SGCZ: variants seen among roughly 807,000 people sequenced by gnomAD.
SGCZ encodes the protein sarcoglycan zeta, also known as zeta-sarcoglycan.
In SGCZ, 40 loss-of-function variants were observed where a neutral mutation model predicts 41.3. The observed-to-expected ratio is 0.97, with a 90% CI of 0.75 to 1.26. The LOEUF (loss-of-function observed/expected upper bound fraction) is 1.26, where lower values mean the gene tolerates loss of function less well. Among genes scored for constraint, SGCZ ranks in the 50% most tolerant of loss-of-function variants. SGCZ has a pLI of 0.00. For missense variants in SGCZ, 552 were observed against 369.8 expected, an observed-to-expected ratio of 1.49 and a Z score of -4.04; for synonymous variants, 206 against 137.5, an observed-to-expected ratio of 1.50 and a Z score of -3.49.
intron 2 of SGCZ, among the ~76,000 whole-genome samples, chr8:14,479,481 C>T (rs964819855): frequency 2.0e-5 from 3 of 152,086 alleles, no homozygotes; most frequent in Non-Finnish European, 4.4e-5. Context: ...TTTGGCCATA[C>T]CCTCACAGAC....
intron 1 of SGCZ, among the ~76,000 whole-genome samples, chr8:14,975,881 C>T (rs1054562408): frequency 8.3e-4 from 123 of 147,564 alleles, no homozygotes; most frequent in African/African-American, 2.9e-3. Context: ...TTTACACACA[C>T]ACACACACAC....
chr8:14,746,968 T>C (rs1799354884), intron 1 of SGCZ, among the ~76,000 whole-genome samples: 1 of 152,244 alleles, frequency 6.6e-6, no homozygotes, highest in South Asian at 2.1e-4. Flanking sequence ...GAAGCATTCA[T>C]ACCTGATACA....
intron 1 of SGCZ, among the ~76,000 whole-genome samples, chr8:14,586,623 T>C (rs961838084): frequency 6.6e-6 from 1 of 152,206 alleles, no homozygotes; most frequent in African/African-American, 2.4e-5. Context: ...TGCAAAGTGA[T>C]GCAAAGTTAG....
chr8:15,093,309 T>C (rs1208703938), intron 1 of SGCZ, among the ~76,000 whole-genome samples: 5 of 152,210 alleles, frequency 3.3e-5, no homozygotes, highest in African/African-American at 1.2e-4. Context: ...CATTTGTACT[T>C]CTCATCAGGA....
intron 2 of SGCZ, among the ~76,000 whole-genome samples, chr8:14,409,078 G>C (rs551161575): frequency 1.9e-4 from 29 of 151,852 alleles, no homozygotes; most frequent in African/African-American, 2.7e-4. Flanking sequence ...CCCAGTGTTA[G>C]CAAATGCTAA....
At chr8:14,674,102 A>C (rs111409717) in intron 1 of SGCZ, among the ~76,000 whole-genome samples, 1,932 of 152,216 alleles carry the variant, frequency 0.013, 37 homozygotes, top group African/African-American at 0.031. Context: ...AACTGTTAAA[A>C]CCTTCAATAA....
Position 15,211,687 on chromosome 8 carries a change from C to T in SGCZ, c.39+25898G>A, listed in dbSNP as rs536031141. On this transcript the variant is annotated intron_variant, in intron 1 of 7. Coordinates refer to ENST00000382080, the MANE Select transcript of SGCZ (RefSeq NM_139167.4). ...TAGTTCTCTAGATCCTATTATCGCC[C>T]GCCTATGAATGGGACTGGTTCTAGT... is the stretch of plus-strand genomic sequence containing the variant. Among the ~76,000 whole-genome samples the T allele has an allele frequency of 2.2e-4, 33 of 152,202 alleles. No individual in the cohort carries two copies. In the South Asian group the frequency reaches 2.5e-3, roughly 11 times the overall value.
intron 1 of SGCZ, among the ~76,000 whole-genome samples, chr8:15,025,474 A>C (rs995213108): frequency 6.6e-6 from 1 of 152,200 alleles, no homozygotes; most frequent in African/African-American, 2.4e-5. Flanking sequence ...GCTAGCTGAG[A>C]GGTAGAGAGG....
At chr8:14,170,531 T>A (rs565160406) in intron 4 of SGCZ, among the ~76,000 whole-genome samples, 77 of 152,230 alleles carry the variant, frequency 5.1e-4, no homozygotes, top group Non-Finnish European at 8.7e-4. Flanking sequence ...TTTAAGAGGA[T>A]AAGGTAAAAA....
chr8:14,713,695 G>GAAA (rs34836703), intron 1 of SGCZ, among the ~76,000 whole-genome samples: 1,503 of 127,898 alleles, frequency 0.012, 11 homozygotes, highest in Middle Eastern at 0.065. Context: ...TGCCGCAAAA[G>GAAA]AAAAAAAAAA....
intron 1 of SGCZ, among the ~76,000 whole-genome samples, chr8:14,885,768 T>C (rs2130732216): frequency 6.6e-6 from 1 of 151,996 alleles, no homozygotes; most frequent in East Asian, 1.9e-4. Context: ...ATCAGTCTTT[T>C]AAAAATAATT....
At chr8:14,886,214 T>A (rs1804799960) in intron 1 of SGCZ, among the ~76,000 whole-genome samples, 1 of 151,670 alleles carries the variant, frequency 6.6e-6, no homozygotes, top group African/African-American at 2.4e-5. Context: ...GCATACTTCA[T>A]TTCAACAAAT....
chr8:14,722,316 T>C (rs1281548768), intron 1 of SGCZ, among the ~76,000 whole-genome samples: 1 of 152,180 alleles, frequency 6.6e-6, no homozygotes, highest in Admixed American at 6.6e-5. Context: ...ATGAAAGTAT[T>C]GTCTTCGGTA....
intron 1 of SGCZ, among the ~76,000 whole-genome samples, chr8:14,771,582 G>GTA (rs1178386729): frequency 3.3e-5 from 5 of 151,816 alleles, no homozygotes; most frequent in Non-Finnish European, 7.4e-5. Context: ...TTTGCTATTG[G>GTA]TATATATATT....
intron 1 of SGCZ, among the ~76,000 whole-genome samples, chr8:14,808,908 T>A (rs200967074): frequency 6.6e-6 from 1 of 151,030 alleles, no homozygotes; most frequent in Non-Finnish European, 1.5e-5. Context: ...CCATAAAAAA[T>A]GATGAGTTCA....
At chr8:14,392,367 G>C (rs373448373) in intron 2 of SGCZ, among the ~76,000 whole-genome samples, 2 of 152,108 alleles carry the variant, frequency 1.3e-5, no homozygotes, top group African/African-American at 4.8e-5. Context: ...AGATTCTCTA[G>C]ATAGCATAGC....
At chr8:14,686,347 G>A (rs1433472839) in intron 1 of SGCZ, among the ~76,000 whole-genome samples, 1 of 152,074 alleles carries the variant, frequency 6.6e-6, no homozygotes, top group Admixed American at 6.6e-5. Flanking sequence ...AAAAAATCTG[G>A]TGCACTAAAT....
intron 2 of SGCZ, among the ~76,000 whole-genome samples, chr8:14,433,578 T>C (rs964722509): frequency 6.6e-6 from 1 of 152,230 alleles, no homozygotes; most frequent in African/African-American, 2.4e-5. Flanking sequence ...TCTGCCATTA[T>C]GATCTTCCAT....
chr8:14,124,092 T>C (rs747405437), intron 5 of SGCZ, among the ~76,000 whole-genome samples: 15 of 152,184 alleles, frequency 9.9e-5, no homozygotes, highest in Non-Finnish European at 1.8e-4. Context: ...CTTGATATCA[T>C]CTTAGTGAAA....
Sources: allele counts gnomAD v4.1 joint callset (sites outside exome capture counted in the v4.1 genomes callset), GRCh38; gene constraint gnomAD v4.1.1; transcripts MANE v1.5; gene names NCBI Gene and HGNC (gene_info 2026-07-23, HGNC 2026-07-21).